The following SLC27A6 variants were observed in gnomAD, a reference collection of about 807,000 sequenced individuals.
SLC27A6 encodes the protein solute carrier family 27 member 6.
SLC27A6 carries 74 observed loss-of-function variants against 63.9 expected under a neutral mutation model. The ratio of observed to expected loss-of-function variants is 1.16; its 90% CI spans 0.96 to 1.40. The LOEUF (loss-of-function observed/expected upper bound fraction) is 1.40, where lower values mean the gene tolerates loss of function less well. Among genes scored for constraint, SLC27A6 ranks in the 40% most tolerant of loss-of-function variants. The pLI is 0.00. For missense variants in SLC27A6, 794 were observed against 732.9 expected (o/e 1.08, Z -0.96); for synonymous variants, 287 against 260.8 (o/e 1.10, Z -0.97).
At chr5:129,014,538 A>G (rs1404682159) in intron 4 of SLC27A6, among the ~76,000 whole-genome samples, 2 of 152,120 alleles carry the variant, frequency 1.3e-5, no homozygotes, top group East Asian at 3.9e-4. Flanking sequence ...CTCCAAATCC[A>G]TTTTAGTTTG....
At chr5:129,018,261 T>A (rs778133134) in intron 5 of SLC27A6, among the ~76,000 whole-genome samples, 2 of 152,122 alleles carry the variant, frequency 1.3e-5, no homozygotes, top group Non-Finnish European at 2.9e-5. Context: ...AGGTGAAATT[T>A]TCTGTATAAT....
At position 128,965,841 on chromosome 5, in the gene SLC27A6, A is replaced by T. The variant is rs1263457291; in HGVS notation, c.-297A>T. The T allele has an allele frequency of 3.4e-6, 1 of 295,960 alleles. No homozygotes were observed. The highest frequency in any genetic ancestry group is 2.2e-5 in the African/African-American group (1 of 46,276). 18.3% of individuals were successfully genotyped at this position (295,960 alleles called of 1,614,324 possible). On this transcript the variant is annotated 5_prime_UTR_variant, in exon 1 of 10. Transcript: ENST00000262462. ...CAGCGCTGGGGTTGTAGATTCCAAG[A>T]CCCCTGAGGGTGGCTGTGTTGGTTT...
chr5:128,994,658 C>A (rs1005261538), intron 4 of SLC27A6, among the ~76,000 whole-genome samples: 1 of 152,258 alleles, frequency 6.6e-6, no homozygotes, highest in Admixed American at 6.5e-5. Context: ...GCCCCACAGA[C>A]AGTTATTTAA....
intron 9 of SLC27A6, among the ~76,000 whole-genome samples, chr5:129,031,922 G>A (rs1337098478): frequency 6.6e-6 from 1 of 151,810 alleles, no homozygotes; most frequent in Non-Finnish European, 1.5e-5. Flanking sequence ...AGGAGGGAAG[G>A]GAGATCAGGG....
At position 128,985,158 on chromosome 5, in the gene SLC27A6, C is replaced by G. The variant is rs745715326; in HGVS notation, c.507C>G (p.Ile169Met). 1 of 1,613,590 alleles carries G rather than the reference C, an allele frequency of 6.2e-7. No homozygotes were observed. Among genetic ancestry groups the G allele is most frequent in the Non-Finnish European group, 8.5e-7 (1 of 1,179,872 alleles). ...GADLLGTVEE[I>M]LPSLSENISV... The stretch of plus-strand genomic sequence containing the variant: ...ATTTGCTTGGAACGGTAGAAGAAAT[C>G]CTTCCAAGCCTCTCAGAAAATATCA... Residue 169 changes from isoleucine (I) to methionine (M), a missense_variant, in exon 2 of 10, where the codon ATC (isoleucine) becomes ATG (methionine). Transcript: ENST00000262462.
chr5:128,997,246 A>T (rs1396515934), intron 4 of SLC27A6, among the ~76,000 whole-genome samples: 3 of 152,136 alleles, frequency 2.0e-5, no homozygotes, highest in Non-Finnish European at 2.9e-5. Context: ...AAAACAATTG[A>T]TTTTGCCTGT....
intron 1 of SLC27A6, among the ~76,000 whole-genome samples, chr5:128,976,248 C>T (rs967041624): frequency 3.3e-5 from 5 of 152,278 alleles, no homozygotes; most frequent in African/African-American, 1.2e-4. Context: ...GTGGCTCATG[C>T]CTGTAATCCC....
At chr5:129,026,179 G>T (rs897440041) in intron 6 of SLC27A6, among the ~76,000 whole-genome samples, 3 of 152,020 alleles carry the variant, frequency 2.0e-5, no homozygotes, top group Admixed American at 6.6e-5. Flanking sequence ...ATCATAGTTT[G>T]CTGGACTCCA....
In SLC27A6 at chr5:129,030,222, T is replaced by G. The variant is rs144541190; in HGVS notation, c.1683+515T>G. Among the ~76,000 whole-genome samples, 288 of 152,164 alleles carry G rather than the reference T, an allele frequency of 1.9e-3. 2 individuals are homozygous for G. The highest frequency in any genetic ancestry group is 6.6e-3 in the African/African-American group (275 of 41,546). On this transcript the variant is annotated intron_variant, in intron 9 of 9. Transcript: ENST00000262462. ...TTTATTTTGAGATGAGGACTTTCTCTTGTTAGCTTACTGGTATAAGTACAG... is the reference window on the plus strand; with the variant it reads ...TTTATTTTGAGATGAGGACTTTCTCGTGTTAGCTTACTGGTATAAGTACAG...
chr5:129,013,918 T>C (rs188326070), intron 4 of SLC27A6, among the ~76,000 whole-genome samples: 9 of 152,316 alleles, frequency 5.9e-5, no homozygotes, highest in Admixed American at 3.3e-4. Flanking sequence ...AAATGCCTGA[T>C]GGCACATGGC....
intron 1 of SLC27A6, among the ~76,000 whole-genome samples, chr5:128,967,172 T>A (rs1427387832): frequency 1.4e-5 from 2 of 139,954 alleles, no homozygotes; most frequent in African/African-American, 5.0e-5. Flanking sequence ...CTAGGAGCCT[T>A]TCTGTTTCTT....
At chr5:129,026,789 T>A (rs932752430) in intron 6 of SLC27A6, among the ~76,000 whole-genome samples, 2 of 152,182 alleles carry the variant, frequency 1.3e-5, no homozygotes, top group African/African-American at 2.4e-5. Flanking sequence ...GTTATTTATA[T>A]AACAAATGTC....
At chr5:129,026,736 T>TA (rs965909493) in intron 6 of SLC27A6, among the ~76,000 whole-genome samples, 4 of 152,094 alleles carry the variant, frequency 2.6e-5, no homozygotes, top group African/African-American at 7.2e-5. Flanking sequence ...AAATGCCCAA[T>TA]AAAAAATGCT....
At chr5:129,027,496 C>T (rs187821538) in intron 7 of SLC27A6, among the ~76,000 whole-genome samples, 165 bp downstream of exon 7, 3 of 152,070 alleles carry the variant, frequency 2.0e-5, no homozygotes, top group Non-Finnish European at 4.4e-5. Context: ...TAGACTGAAC[C>T]ACAAGTTAAA....
In SLC27A6 at chr5:129,023,615, T is replaced by G; in HGVS notation, c.1165-5T>G. 7.6e-6 allele frequency: 12 copies of G among 1,583,412 alleles called. No individual in the cohort carries two copies. Among genetic ancestry groups the G allele is most frequent in the African/African-American group, 1.4e-5 (1 of 72,954 alleles). On this transcript the variant is annotated splice_polypyrimidine_tract_variant and splice_region_variant and intron_variant, in intron 5 of 9. Transcript: ENST00000262462. ...TTTCTATTTGTTTGATTTTTTTTTT[T>G]GCAGCTTCTTTCCACTTTTGACTTA...
Position 128,966,066 on chromosome 5 carries a change from A to G in SLC27A6, c.-72A>G. 5.3e-6 allele frequency: 8 copies of G among 1,501,216 alleles called. No homozygotes were observed. Among genetic ancestry groups the G allele is most frequent in the East Asian group, 2.3e-5 (1 of 43,806 alleles). The allele number at this position is 1,501,216 out of a possible 1,614,324, so 93.0% of individuals were successfully genotyped here. A position where few individuals can be genotyped will look rare whatever the true frequency, so the allele number is the denominator to read the frequency against. On this transcript the variant is annotated 5_prime_UTR_variant, in exon 1 of 10. Coordinates refer to ENST00000262462, the MANE Select transcript of SLC27A6 (RefSeq NM_001017372.3). ...TAGTGAGGATCTGCGGTCTCCGTGG[A>G]GAGCTGTGCCTGGAAGAGAAGGACG... is the stretch of plus-strand genomic sequence containing the variant.
intron 1 of SLC27A6, among the ~76,000 whole-genome samples, chr5:128,983,439 C>T (rs1419299250): frequency 6.6e-6 from 1 of 151,718 alleles, no homozygotes; most frequent in Non-Finnish European, 1.5e-5. Flanking sequence ...ATTACAGGCA[C>T]CCATCACCAT....
chr5:129,021,803 C>T (rs946918646), intron 5 of SLC27A6, among the ~76,000 whole-genome samples: 14 of 152,126 alleles, frequency 9.2e-5, no homozygotes, highest in East Asian at 3.9e-4. Flanking sequence ...TATTTAATTG[C>T]GTTTGAATTA....
chr5:129,020,507 G>T (rs1321614485), intron 5 of SLC27A6, among the ~76,000 whole-genome samples: 1 of 151,970 alleles, frequency 6.6e-6, no homozygotes, highest in Middle Eastern at 3.2e-3. Flanking sequence ...GGGGAGGAAA[G>T]GAAGAAATGG....
Sources: gnomAD v4.1 joint callset for allele counts (sites outside exome capture counted in the v4.1 genomes callset) on GRCh38, gnomAD v4.1.1 for gene constraint, MANE v1.5 for transcripts, NCBI Gene and HGNC (gene_info 2026-07-23, HGNC 2026-07-21) for gene names.